The following NRXN3 variants were observed in gnomAD, a reference collection of about 807,000 sequenced individuals.
The protein encoded by NRXN3 is neurexin III.
Under a neutral mutation model 137.6 loss-of-function variants are expected in NRXN3, and 32 were observed. The ratio of observed to expected loss-of-function variants is 0.23; its 90% CI spans 0.18 to 0.31. The LOEUF (loss-of-function observed/expected upper bound fraction) is 0.31, where lower values mean the gene tolerates loss of function less well. NRXN3 is among the 10% of genes least tolerant of loss of function. NRXN3 has a pLI of 1.00. For synonymous variants in NRXN3, 798 were observed against 784.5 expected (o/e 1.02, Z -0.29); for missense variants, 1,574 against 2,062.5 (o/e 0.76, Z 4.59).
intron 4 of NRXN3, among the ~76,000 whole-genome samples, chr14:78,592,171 G>A (rs1179177867): frequency 1.3e-5 from 2 of 152,170 alleles, no homozygotes; most frequent in Non-Finnish European, 2.9e-5. Context: ...GGGGGCTGAA[G>A]CTTTTCTACT....
intron 4 of NRXN3, among the ~76,000 whole-genome samples, chr14:78,523,435 G>A (rs1401419387): frequency 6.6e-6 from 1 of 152,046 alleles, no homozygotes; most frequent in Non-Finnish European, 1.5e-5. Flanking sequence ...GACTTTCTCT[G>A]CCTCATAAAT....
chr14:79,862,875 G>A lies in NRXN3; in HGVS notation c.*911G>A, dbSNP rs1355154810. Reference sequence around the variant, plus strand: ...AGGGCTGGTGTTATCAGAGCTATTGGCTTTACGTAACAATATTGTTCCTGT... The same window carrying A: ...AGGGCTGGTGTTATCAGAGCTATTGACTTTACGTAACAATATTGTTCCTGT... On this transcript the variant is annotated 3_prime_UTR_variant, in exon 21 of 21. Transcript: ENST00000335750. 2.6e-5 allele frequency: 4 copies of A among 152,438 alleles called. No homozygotes were observed. The highest frequency in any genetic ancestry group is 1.5e-5 in the Non-Finnish European group (1 of 68,050). 9.4% of individuals were successfully genotyped at this position (152,438 alleles called of 1,614,324 possible).
intron 10 of NRXN3, among the ~76,000 whole-genome samples, chr14:78,891,872 A>G (rs915266565): frequency 1.3e-5 from 2 of 152,042 alleles, no homozygotes; most frequent in Admixed American, 6.6e-5. Context: ...CAATAGGCGC[A>G]CACACATTTA....
intron 15 of NRXN3, among the ~76,000 whole-genome samples, chr14:79,356,114 G>A (rs1023709918): frequency 3.9e-5 from 6 of 152,086 alleles, no homozygotes; most frequent in Admixed American, 2.6e-4. Flanking sequence ...CAATAGAGAA[G>A]AATGTCTTTT....
At chr14:79,156,303 C>A (rs1339740727) in intron 15 of NRXN3, among the ~76,000 whole-genome samples, 2 of 151,806 alleles carry the variant, frequency 1.3e-5, no homozygotes, top group East Asian at 3.9e-4. Context: ...GATCTGGCAC[C>A]TGCAATCTTA....
intron 3 of NRXN3, chr14:78,283,400 C>G (rs2074692520): frequency 6.6e-6 from 1 of 152,058 alleles, no homozygotes; most frequent in African/African-American, 2.4e-5. Flanking sequence ...AGAAGATGAA[C>G]AATTTGTAAG....
In NRXN3 at chr14:78,647,884, A is replaced by T. The variant is rs151059057; in HGVS notation, c.1059+2463A>T. ...GGATCTTCCTGTCTATTTCAATTAA[A>T]CTATAAAGAGCTCCATAAATATTTG... On this transcript the variant is annotated intron_variant, in intron 5 of 20. Coordinates refer to ENST00000335750, the MANE Select transcript of NRXN3 (RefSeq NM_001330195.2). Among the ~76,000 whole-genome samples the T allele has an allele frequency of 4.3e-3, 648 of 152,368 alleles. 7 individuals carry two copies. Among genetic ancestry groups the T allele is most frequent in the African/African-American group, 0.013 (550 of 41,592 alleles).
intron 15 of NRXN3, chr14:79,280,630 T>TA: frequency 8.1e-7 from 1 of 1,235,930 alleles, no homozygotes; most frequent in South Asian, 1.4e-5. Flanking sequence ...GGAAGGGAAT[T>TA]TAAAAAAAAT....
At chr14:78,949,244 C>T (rs951879951) in intron 10 of NRXN3, among the ~76,000 whole-genome samples, 7 of 152,116 alleles carry the variant, frequency 4.6e-5, no homozygotes, top group Admixed American at 2.0e-4. Context: ...TCTTCCTTCT[C>T]CCCCTCTACC....
chr14:78,930,803 T>G (rs2099319475), intron 10 of NRXN3, among the ~76,000 whole-genome samples: 1 of 152,146 alleles, frequency 6.6e-6, no homozygotes, highest in African/African-American at 2.4e-5. Context: ...TGGAAAGGTG[T>G]AGTGAGCCAT....
At chr14:79,007,330 TTGA>T (rs1212253871) in intron 15 of NRXN3, among the ~76,000 whole-genome samples, 1 of 152,048 alleles carries the variant, frequency 6.6e-6, no homozygotes, top group African/African-American at 2.4e-5. Flanking sequence ...TTGATTGCAG[TTGA>T]TGATGAGGGT....
At chr14:79,530,795 CTT>C (rs1475776202) in intron 16 of NRXN3, among the ~76,000 whole-genome samples, 2 of 151,992 alleles carry the variant, frequency 1.3e-5, no homozygotes, top group Non-Finnish European at 2.9e-5. Context: ...TGCTGGAACT[CTT>C]TTTAGAATGG....
chr14:79,280,242 C>T, intron 15 of NRXN3: 1 of 1,607,366 alleles, frequency 6.2e-7, no homozygotes. Context: ...CATTACTCCT[C>T]ACTGGCTGGA....
intron 4 of NRXN3, among the ~76,000 whole-genome samples, chr14:78,373,758 T>C (rs891818562): frequency 2.6e-5 from 4 of 152,168 alleles, no homozygotes; most frequent in Non-Finnish European, 5.9e-5. Context: ...GGAGCCCTCC[T>C]GAATTCCTGG....
At chr14:79,685,739 G>A (rs901261806) in intron 17 of NRXN3, among the ~76,000 whole-genome samples, 1 of 152,172 alleles carries the variant, frequency 6.6e-6, no homozygotes, top group East Asian at 1.9e-4. Flanking sequence ...ACTGAGAAAG[G>A]ATAATGATTG....
intron 4 of NRXN3, among the ~76,000 whole-genome samples, chr14:78,511,220 G>A (rs1051466563): frequency 6.6e-6 from 1 of 152,162 alleles, no homozygotes; most frequent in African/African-American, 2.4e-5. Flanking sequence ...GCCAGTCCCA[G>A]GATTCCATAT....
intron 15 of NRXN3, among the ~76,000 whole-genome samples, chr14:79,127,681 A>G (rs1461999393): frequency 6.6e-6 from 1 of 151,946 alleles, no homozygotes; most frequent in Non-Finnish European, 1.5e-5. Flanking sequence ...TTCCATATGA[A>G]CTTTAAAGTA....
intron 15 of NRXN3, among the ~76,000 whole-genome samples, chr14:79,180,307 G>T (rs1236272605): frequency 2.6e-5 from 4 of 152,110 alleles, no homozygotes; most frequent in Non-Finnish European, 5.9e-5. Context: ...TAAACGTGCT[G>T]CTTATTTCAT....
At chr14:79,213,067 G>C (rs1436785336) in intron 15 of NRXN3, among the ~76,000 whole-genome samples, 1 of 152,096 alleles carries the variant, frequency 6.6e-6, no homozygotes, top group Admixed American at 6.6e-5. Flanking sequence ...GCTAGCAGAA[G>C]CTGTGGTTCT....
Sources: allele counts gnomAD v4.1 joint callset (sites outside exome capture counted in the v4.1 genomes callset), GRCh38; gene constraint gnomAD v4.1.1; transcripts MANE v1.5; gene names NCBI Gene and HGNC (gene_info 2026-07-23, HGNC 2026-07-21).